The following NEBL variants were observed in gnomAD, a reference collection of about 807,000 sequenced individuals.
NEBL encodes nebulette.
In NEBL, 122 loss-of-function variants were observed where a neutral mutation model predicts 140.2. The observed-to-expected ratio is 0.87, with a 90% CI of 0.75 to 1.01. The LOEUF (loss-of-function observed/expected upper bound fraction) is 1.01. NEBL is among the 50% of genes least tolerant of loss of function. The probability of loss-of-function intolerance (pLI) is 0.00; values close to 1 mark genes in which losing one functional copy is unlikely to be tolerated. For missense variants in NEBL, 1,365 were observed against 1,231.3 expected (o/e 1.11, Z -1.62); for synonymous variants, 436 against 398.9 (o/e 1.09, Z -1.11).
chr10:21,009,508 G>C (rs1487370262), intron 3 of NEBL, among the ~76,000 whole-genome samples: 1 of 152,128 alleles, frequency 6.6e-6, no homozygotes, highest in Non-Finnish European at 1.5e-5. Flanking sequence ...GCATCATCCT[G>C]ACCCTTGACT....
In NEBL at chr10:20,857,458, G is replaced by T. The variant is rs146554453; in HGVS notation, c.903+782C>A. ...CCAAAGCAGATATTCAATAAATTATGATTAATTTTGAGCAAGTGAGTGAGA... is the reference window on the plus strand; with the variant it reads ...CCAAAGCAGATATTCAATAAATTATTATTAATTTTGAGCAAGTGAGTGAGA... On this transcript the variant is annotated intron_variant, in intron 9 of 27. Coordinates refer to ENST00000377122, the MANE Select transcript of NEBL (RefSeq NM_006393.3). 3.3e-3 allele frequency among the ~76,000 whole-genome samples: 506 copies of T among 152,164 alleles called. 2 individuals are homozygous for T. The highest frequency in any genetic ancestry group is 0.012 in the African/African-American group (489 of 41,524).
At chr10:21,259,048 T>C (rs1276878271) in intron 1 of NEBL, among the ~76,000 whole-genome samples, 2 of 151,670 alleles carry the variant, frequency 1.3e-5, no homozygotes, top group Non-Finnish European at 2.9e-5. Flanking sequence ...GTGGTGATAC[T>C]TGGGGAAAAA....
At chr10:20,929,266 T>C (rs1834062714) in intron 4 of NEBL, among the ~76,000 whole-genome samples, 2 of 151,880 alleles carry the variant, frequency 1.3e-5, no homozygotes, top group South Asian at 2.1e-4. Flanking sequence ...TATAAATATA[T>C]ATATATATAT....
intron 3 of NEBL, among the ~76,000 whole-genome samples, chr10:21,184,999 T>G (rs1471277985): frequency 6.6e-6 from 1 of 152,224 alleles, no homozygotes; most frequent in African/African-American, 2.4e-5. Flanking sequence ...GGCTTTGTTT[T>G]GAAGATTGCT....
intron 3 of NEBL, among the ~76,000 whole-genome samples, chr10:20,998,269 T>C (rs776783907): frequency 6.6e-6 from 1 of 152,136 alleles, no homozygotes; most frequent in Non-Finnish European, 1.5e-5. Flanking sequence ...CTCAGGCAGT[T>C]TACATGACTT....
chr10:20,873,129 A>G (rs1173497885), intron 5 of NEBL, among the ~76,000 whole-genome samples: 1 of 152,196 alleles, frequency 6.6e-6, no homozygotes, highest in Non-Finnish European at 1.5e-5. Flanking sequence ...ATTTGCTCCA[A>G]TCTACCATCC....
intron 3 of NEBL, among the ~76,000 whole-genome samples, chr10:21,006,816 T>C (rs1230401835): frequency 7.9e-5 from 12 of 152,204 alleles, no homozygotes; most frequent in South Asian, 2.1e-4. Context: ...AGTTGCTTTT[T>C]TTGGAGAAGT....
intron 2 of NEBL, among the ~76,000 whole-genome samples, chr10:21,090,469 G>A (rs1410874711): frequency 2.6e-5 from 4 of 152,124 alleles, no homozygotes; most frequent in African/African-American, 4.8e-5. Context: ...AGGAGGATGC[G>A]TGTAGGTTAT....
At chr10:20,959,196 G>C (rs560895613) in intron 4 of NEBL, among the ~76,000 whole-genome samples, 1 of 152,062 alleles carries the variant, frequency 6.6e-6, no homozygotes, top group Non-Finnish European at 1.5e-5. Context: ...AAAGACTGCC[G>C]ATCTTAGTTA....
At chr10:21,087,460 AG>A (rs1185244436) in intron 2 of NEBL, among the ~76,000 whole-genome samples, 1 of 152,164 alleles carries the variant, frequency 6.6e-6, no homozygotes, top group Non-Finnish European at 1.5e-5. Context: ...AATCCCAAAA[AG>A]TCTCTGTCTC....
chr10:21,224,304 G>C (rs1023761052), intron 3 of NEBL, among the ~76,000 whole-genome samples: 1 of 152,078 alleles, frequency 6.6e-6, no homozygotes, highest in East Asian at 1.9e-4. Flanking sequence ...TGGCACTTTT[G>C]TTGAAAATAA....
intron 3 of NEBL, among the ~76,000 whole-genome samples, chr10:21,246,117 T>C (rs1842514417): frequency 6.6e-6 from 1 of 152,230 alleles, no homozygotes; most frequent in Non-Finnish European, 1.5e-5. Flanking sequence ...GCAGTTACTC[T>C]ACAGACTTTT....
chr10:20,817,790 A>AT, intron 20 of NEBL, 98 bp from the exon 21 acceptor site: 3 of 996,966 alleles, frequency 3.0e-6, no homozygotes, highest in South Asian at 1.3e-5. Flanking sequence ...CTTTTTACAC[A>AT]TTTTTTTCCA....
intron 1 of NEBL, among the ~76,000 whole-genome samples, chr10:21,280,063 C>T (rs1842973109): frequency 6.6e-6 from 1 of 152,086 alleles, no homozygotes; most frequent in Admixed American, 6.6e-5. Flanking sequence ...AAAAAAAAGC[C>T]AGTTTTGAAA....
intron 3 of NEBL, among the ~76,000 whole-genome samples, chr10:21,234,037 A>AGATAGAT (rs1842312680): frequency 7.2e-6 from 1 of 139,352 alleles, no homozygotes; most frequent in African/African-American, 2.5e-5. Context: ...ATAGATAGAT[A>AGATAGAT]GATAGATAGA....
At chr10:20,800,203 T>C (rs1019992479) in intron 26 of NEBL, among the ~76,000 whole-genome samples, 2 of 150,362 alleles carry the variant, frequency 1.3e-5, no homozygotes, top group African/African-American at 4.9e-5. Flanking sequence ...AGATTCCACA[T>C]ATAAGTGGGA....
chr10:21,254,321 C>T (rs1007804775), intron 1 of NEBL, among the ~76,000 whole-genome samples: 14 of 152,026 alleles, frequency 9.2e-5, no homozygotes, highest in African/African-American at 3.4e-4. Flanking sequence ...TTTGTAGAGA[C>T]AGGGTCTTGC....
intron 3 of NEBL, among the ~76,000 whole-genome samples, chr10:20,964,914 A>T (rs938942021): frequency 8.5e-5 from 13 of 152,170 alleles, no homozygotes; most frequent in African/African-American, 3.1e-4. Context: ...TTACAATCAA[A>T]AGAATTCTGA....
In NEBL at chr10:21,173,699, ACTT is replaced by A; in HGVS notation, c.69+63_69+65del. 6.2e-7 allele frequency: 1 copy of A among 1,606,474 alleles called. No individual in the cohort carries two copies. Among genetic ancestry groups the A allele is most frequent in the Admixed American group, 1.7e-5 (1 of 59,826 alleles). On this transcript the variant is annotated intron_variant, in intron 1 of 6. Coordinates refer to the NEBL transcript ENST00000417816. The surrounding 1 kb of genome is among the most constrained non-coding windows in gnomAD (Gnocchi z 5.7). ...ATTGCTTTCCATCCCAGGTGCCAAAACTTCTCGAAGCAGGTGCAGCCCCTCGCC... is the reference window on the plus strand; with the variant it reads ...ATTGCTTTCCATCCCAGGTGCCAAAACTCGAAGCAGGTGCAGCCCCTCGCC...
Sources: gnomAD v4.1 joint callset for allele counts (sites outside exome capture counted in the v4.1 genomes callset) on GRCh38, gnomAD v4.1.1 for gene constraint, Gnocchi (gnomAD v3.1) non-coding constraint, MANE v1.5 for transcripts, NCBI Gene and HGNC (gene_info 2026-07-23, HGNC 2026-07-21) for gene names.